Variants in PTOV1 observed in about 807,000 individuals in gnomAD.
PTOV1 encodes PTOV1 extended AT-hook containing adaptor protein.
Under a neutral mutation model 58.0 loss-of-function variants are expected in PTOV1, and 20 were observed. The ratio of observed to expected loss-of-function variants is 0.34; its 90% confidence interval spans 0.24 to 0.50. The LOEUF is 0.50. PTOV1 is among the 20% of genes least tolerant of loss of function. The pLI, the probability that PTOV1 is intolerant of heterozygous loss-of-function variation, is 0.98. For synonymous variants in PTOV1, 335 were observed against 234.2 expected, an observed-to-expected ratio of 1.43 and a Z score of -3.93; for missense variants, 593 against 565.4, an observed-to-expected ratio of 1.05 and a Z score of -0.50.
At chr19:49,857,308 C>T in intron 6 of PTOV1, 178 bp downstream of exon 6, 3 of 863,452 alleles carry the variant, frequency 3.5e-6, no homozygotes, top group Admixed American at 2.7e-5. Context: ...AAAGCGGCCA[C>T]TGGGCGGCTC....
At chr19:49,857,003 C>A in exon 6 of PTOV1, 1 of 1,613,624 alleles carries the variant, frequency 6.2e-7, no homozygotes. Context: ...CCCCACATCT[C>A]CCCCTGTGAG....
intron 1 of PTOV1, 55 bp downstream of exon 1, chr19:49,851,554 T>G (rs2074248244): frequency 1.9e-5 from 15 of 780,456 alleles, no homozygotes; most frequent in East Asian, 8.3e-5. Flanking sequence ...CCCCAGCCCC[T>G]ATCCCGGGCT....
chr19:49,856,561 G>C (rs2122225234), intron 5 of PTOV1: 2 of 213,294 alleles, frequency 9.4e-6, no homozygotes, highest in South Asian at 1.6e-4. Flanking sequence ...CGGTTTTACA[G>C]ATGATGGAGG....
chr19:49,857,058 C>G, exon 6 of PTOV1: 1 of 1,614,132 alleles, frequency 6.2e-7, no homozygotes. Flanking sequence ...AGAAGATCTT[C>G]ATGGGCCTCA....
At chr19:49,855,346 G>A in intron 5 of PTOV1, 1 of 505,466 alleles carries the variant, frequency 2.0e-6, no homozygotes, top group South Asian at 2.2e-5. Context: ...GGAGGGACTG[G>A]GGCCAGCCCT....
At chr19:49,851,560 G>T (rs1164195405) in intron 1 of PTOV1, 61 bp downstream of exon 1, 2 of 914,584 alleles carry the variant, frequency 2.2e-6, no homozygotes, top group Non-Finnish European at 2.7e-6. Context: ...CCCCTATCCC[G>T]GGCTCACGCC....
Position 49,854,395 on chromosome 19 carries a change from C to G in PTOV1, c.172-11C>G. 1 of 1,604,620 alleles carries G rather than the reference C, an allele frequency of 6.2e-7. No homozygotes were observed. The highest frequency in any genetic ancestry group is 8.5e-7 in the Non-Finnish European group (1 of 1,174,976). ...CCTCAGTTTTCCCACCTATCCCCCA[C>G]TCCATTGCAGGAAGGTGCTCGGGTC... On this transcript the variant is annotated splice_polypyrimidine_tract_variant and intron_variant, in intron 1 of 11. Coordinates refer to ENST00000391842, the Ensembl canonical transcript of PTOV1.
At chr19:49,857,190 G>A in intron 6 of PTOV1, 60 bp downstream of exon 6, 8 of 1,590,592 alleles carry the variant, frequency 5.0e-6, no homozygotes, top group South Asian at 3.3e-5. Flanking sequence ...CACTGCCCTG[G>A]TTGGGCAGCC....
intron 10 of PTOV1, chr19:49,859,107 G>A (rs1019905492): frequency 1.3e-5 from 2 of 156,532 alleles, no homozygotes; most frequent in Admixed American, 1.3e-4. Context: ...TCTGTGAGGT[G>A]GAGAAGGTTG....
exon 11 of PTOV1, chr19:49,860,172 C>G: frequency 6.2e-7 from 1 of 1,614,200 alleles, no homozygotes; most frequent in East Asian, 2.2e-5. Flanking sequence ...GCAGGAGCAA[C>G]AGCAACGAGG....
upstream of PTOV1, chr19:49,850,863 G>C (rs760230820): frequency 2.0e-6 from 3 of 1,535,358 alleles, no homozygotes; most frequent in South Asian, 1.2e-5. Flanking sequence ...TCCTGGCTCT[G>C]CGGGCCCAGG....
In PTOV1 at chr19:49,854,893, G is replaced by GTGGCCCCC; in HGVS notation, c.450+5_450+6insTGGCCCCC. The stretch of plus-strand genomic sequence containing the variant: ...CTGATCCCTCAGCAGCTGCTGGTGA[G>GTGGCCCCC]ACCCGCCCCTCCCACCCCATCCACT... On this transcript the variant is annotated splice_donor_region_variant and intron_variant, in intron 4 of 11. Coordinates refer to ENST00000391842, the Ensembl canonical transcript of PTOV1. The GTGGCCCCC allele has an allele frequency of 6.2e-7, 1 of 1,603,592 alleles. No individual in the cohort carries two copies. Among genetic ancestry groups the GTGGCCCCC allele is most frequent in the Non-Finnish European group, 8.5e-7 (1 of 1,173,372 alleles).
intron 1 of PTOV1, chr19:49,851,769 A>C: frequency 3.8e-6 from 4 of 1,065,710 alleles, no homozygotes; most frequent in African/African-American, 3.4e-5. Flanking sequence ...CCCGATTTAA[A>C]CGCGGGCTGG....
Position 49,857,689 on chromosome 19 carries a change from A to G in PTOV1, c.715-4A>G. On this transcript the variant is annotated splice_region_variant and splice_polypyrimidine_tract_variant and intron_variant, in intron 6 of 11. Transcript: ENST00000391842. ...CCTCTTCCCACCCCGTTCCCTTCCA[A>G]CAGGCAGTGGGACCTGGTGGTGTCA... 2 of 1,613,694 alleles carry G rather than the reference A, an allele frequency of 1.2e-6. No individual in the cohort carries two copies. Among genetic ancestry groups the G allele is most frequent in the Non-Finnish European group, 1.7e-6 (2 of 1,179,766 alleles).
chr19:49,858,020 TG>T, intron 8 of PTOV1, 36 bp from the exon 9 acceptor site: 1 of 1,613,552 alleles, frequency 6.2e-7, no homozygotes, highest in Non-Finnish European at 8.5e-7. Flanking sequence ...CCAGGGGAGC[TG>T]GGGCTTCCTG....
chr19:49,852,325 C>T (rs1000276473), intron 1 of PTOV1: 1 of 153,148 alleles, frequency 6.5e-6, no homozygotes, highest in Non-Finnish European at 1.5e-5. Context: ...ACATGGATAC[C>T]GAGACTTAGA....
chr19:49,852,664 C>T (rs1234570424), intron 1 of PTOV1: 2 of 152,158 alleles, frequency 1.3e-5, no homozygotes, highest in Non-Finnish European at 2.9e-5. Flanking sequence ...TACTATGGCT[C>T]CAGATCCCAG....
exon 3 of PTOV1, chr19:49,854,715 G>A (rs140236059): frequency 1.9e-6 from 3 of 1,613,528 alleles, no homozygotes; most frequent in East Asian, 2.2e-5. Context: ...CCAAGCCTAC[G>A]TGAACCAAGG....
intron 10 of PTOV1, chr19:49,859,025 A>G (rs907914554): frequency 8.7e-5 from 16 of 183,144 alleles, no homozygotes; most frequent in African/African-American, 3.3e-4. Context: ...AGGTCCCAGA[A>G]TATTTGGCGA....
Sources: gnomAD v4.1 joint callset for allele counts on GRCh38, gnomAD v4.1.1 for gene constraint, MANE v1.5 for transcripts, NCBI Gene and HGNC (gene_info 2026-07-23, HGNC 2026-07-21) for gene names.